The following PELI2 variants were observed in gnomAD, a reference collection of about 807,000 sequenced individuals.
PELI2 encodes the protein E3 ubiquitin-protein ligase pellino homolog 2.
In PELI2, 23 loss-of-function variants were observed where a neutral mutation model predicts 42.3. The ratio of observed to expected loss-of-function variants is 0.54; its 90% CI spans 0.39 to 0.77. The LOEUF (loss-of-function observed/expected upper bound fraction) is 0.77. PELI2 is among the 30% of genes least tolerant of loss of function. PELI2 has a pLI of 0.00. For missense variants in PELI2, 463 were observed against 553.2 expected, an observed-to-expected ratio of 0.84 and a Z score of 1.64; for synonymous variants, 245 against 212.2, an observed-to-expected ratio of 1.15 and a Z score of -1.34.
At chr14:56,279,587 C>A in intron 2 of PELI2, 89 bp from the exon 3 acceptor site, 1 of 682,870 alleles carries the variant, frequency 1.5e-6, no homozygotes, top group African/African-American at 1.8e-5. Context: ...CTGGGCTTTG[C>A]CAGTAGAGTG....
At chr14:56,212,956 G>A (rs969088435) in intron 2 of PELI2, among the ~76,000 whole-genome samples, 3 of 152,146 alleles carry the variant, frequency 2.0e-5, no homozygotes, top group Non-Finnish European at 4.4e-5. Context: ...GTGGGGTCAC[G>A]AGGAGGGTCT....
rs1255159807 is a variant in PELI2 at position 56,299,350 on chromosome 14, T to C, written c.*2184T>C. 6.6e-6 allele frequency: 1 copy of C among 152,212 alleles called. No homozygotes were observed. Among genetic ancestry groups the C allele is most frequent in the East Asian group, 1.9e-4 (1 of 5,200 alleles). 9.4% of individuals were successfully genotyped at this position (152,212 alleles called of 1,614,324 possible). ...GTTGGACACGTCCCGTAGTTGGGCA[T>C]ATGTCTAACTAAAAGTTTCTGACTT... On this transcript the variant is annotated 3_prime_UTR_variant, in exon 6 of 6. Transcript: ENST00000267460.
At chr14:56,208,231 A>G (rs1886586630) in intron 2 of PELI2, among the ~76,000 whole-genome samples, 1 of 152,228 alleles carries the variant, frequency 6.6e-6, no homozygotes, top group Non-Finnish European at 1.5e-5. Flanking sequence ...TGACCATAGC[A>G]TGCAGGTGCT....
chr14:56,142,199 A>G (rs1161526323), intron 1 of PELI2, among the ~76,000 whole-genome samples: 1 of 152,212 alleles, frequency 6.6e-6, no homozygotes, highest in Non-Finnish European at 1.5e-5. Context: ...GGCAACAAAT[A>G]TATTACTCAT....
At chr14:56,252,117 G>C (rs1041711696) in intron 2 of PELI2, among the ~76,000 whole-genome samples, 1 of 152,170 alleles carries the variant, frequency 6.6e-6, no homozygotes, top group Non-Finnish European at 1.5e-5. Context: ...AATGCTCTCT[G>C]TACCAGAAAT....
intron 5 of PELI2, chr14:56,292,950 C>A: frequency 2.4e-6 from 1 of 415,240 alleles, no homozygotes; most frequent in Non-Finnish European, 3.2e-6. Flanking sequence ...ACTAAACTGG[C>A]TTTGTATAAA....
chr14:56,153,213 A>C (rs1346737178), intron 1 of PELI2, among the ~76,000 whole-genome samples: 1 of 152,202 alleles, frequency 6.6e-6, no homozygotes, highest in East Asian at 1.9e-4. Context: ...TCACAAACTC[A>C]TTTGAAGATG....
intron 2 of PELI2, among the ~76,000 whole-genome samples, chr14:56,263,132 G>A (rs996794021): frequency 4.6e-5 from 7 of 151,822 alleles, no homozygotes; most frequent in Non-Finnish European, 8.8e-5. Flanking sequence ...AATTTTTTTT[G>A]TACTTTATAG....
chr14:56,118,435 G>C lies in PELI2; in HGVS notation c.-226G>C, dbSNP rs1882929267. 3 of 296,850 alleles carry C rather than the reference G, an allele frequency of 1.0e-5. No homozygotes were observed. The highest frequency in any genetic ancestry group is 9.2e-4 in the Middle Eastern group (1 of 1,086). 18.4% of individuals were successfully genotyped at this position (296,850 alleles called of 1,614,324 possible). Reference sequence around the variant, plus strand: ...TCCCATTTGTTGCCGGCTCTGACTCGGGGCGGCCGCGGCGCGCGGAGCTCC... The same window carrying C: ...TCCCATTTGTTGCCGGCTCTGACTCCGGGCGGCCGCGGCGCGCGGAGCTCC... On this transcript the variant is annotated 5_prime_UTR_variant, in exon 1 of 6. Transcript: ENST00000267460.
chr14:56,182,581 G>T (rs1472030326), intron 2 of PELI2, among the ~76,000 whole-genome samples: 1 of 152,076 alleles, frequency 6.6e-6, no homozygotes, highest in Non-Finnish European at 1.5e-5. Context: ...CTTTTAAAAA[G>T]TAACTGAAAA....
At position 56,297,025 on chromosome 14, in the gene PELI2, G is replaced by T. The variant is rs112097284; in HGVS notation, c.1122G>T (p.Ser374=). 5,985 of 1,613,912 alleles carry T rather than the reference G, an allele frequency of 3.7e-3. 183 individuals carry two copies. The African/African-American group carries it at 0.07, about 19-fold the overall frequency. ...HAFTPCGHVC[S]EKSAKYWSQI... is the part of the protein sequence containing the mutation. ...TCACTCCCTGTGGACACGTGTGCTC[G>T]GAGAAGTCTGCAAAATACTGGTCTC... The change falls in exon 6 of 6, where the codon TCG becomes TCT. Residue 374 remains serine (S), a synonymous_variant. Transcript: ENST00000267460.
chr14:56,208,995 C>T (rs370674034), intron 2 of PELI2, among the ~76,000 whole-genome samples: 28 of 152,074 alleles, frequency 1.8e-4, no homozygotes, highest in East Asian at 1.5e-3. Context: ...TTGACAGTTC[C>T]GAATACTTAA....
intron 1 of PELI2, among the ~76,000 whole-genome samples, chr14:56,127,170 C>T (rs553304751): frequency 1.3e-5 from 2 of 152,126 alleles, no homozygotes; most frequent in African/African-American, 2.4e-5. Context: ...TTGTTGAGAG[C>T]GTGGCAGTTG....
intron 1 of PELI2, among the ~76,000 whole-genome samples, chr14:56,123,030 A>G (rs188989012): frequency 3.3e-4 from 50 of 152,334 alleles, no homozygotes; most frequent in Admixed American, 3.3e-4. Flanking sequence ...TATAAATATG[A>G]CTAAATATGA....
intron 1 of PELI2, among the ~76,000 whole-genome samples, chr14:56,139,888 A>T (rs1172358287): frequency 3.5e-5 from 5 of 143,132 alleles, no homozygotes; most frequent in South Asian, 4.5e-4. Context: ...CTTCTTTACT[A>T]AAAAAAAAAG....
chr14:56,118,729 G>T lies in PELI2; in HGVS notation c.69G>T (p.Val23=). 1 of 1,524,608 alleles carries T rather than the reference G, an allele frequency of 6.6e-7. No homozygotes were observed. Among genetic ancestry groups the T allele is most frequent in the East Asian group, 2.7e-5 (1 of 37,052 alleles). The allele number at this position is 1,524,608 out of a possible 1,614,324, so 94.4% of individuals were successfully genotyped here. A position where few individuals can be genotyped will look rare whatever the true frequency, so the allele number is the denominator to read the frequency against. The change falls in exon 1 of 6, where the codon GTG becomes GTT. Residue 23 remains valine (V), a synonymous_variant. Transcript: ENST00000267460. ...NKEPVKYGEL[V]VLGYNGALPN... ...AGCCAGTGAAATACGGGGAGCTGGT[G>T]GTGCTCGGGTGAGTCCTGGGGTCCC... is the stretch of plus-strand genomic sequence containing the variant.
At chr14:56,279,231 T>TC in intron 2 of PELI2, among the ~76,000 whole-genome samples, 1 of 152,182 alleles carries the variant, frequency 6.6e-6, no homozygotes. Flanking sequence ...TGACAGATTT[T>TC]CCAGTGATTC....
chr14:56,136,082 C>A (rs1032164883), intron 1 of PELI2, among the ~76,000 whole-genome samples: 7 of 152,176 alleles, frequency 4.6e-5, no homozygotes, highest in Admixed American at 3.3e-4. Flanking sequence ...CTCTGAAAAT[C>A]CCATTTATAC....
chr14:56,294,966 G>A (rs1889952192), intron 5 of PELI2, among the ~76,000 whole-genome samples: 1 of 152,148 alleles, frequency 6.6e-6, no homozygotes, highest in South Asian at 2.1e-4. Context: ...GGTGAAATCA[G>A]GATTTACTCC....
Sources: gnomAD v4.1 joint callset for allele counts (sites outside exome capture counted in the v4.1 genomes callset) on GRCh38, gnomAD v4.1.1 for gene constraint, MANE v1.5 for transcripts, NCBI Gene and HGNC (gene_info 2026-07-23, HGNC 2026-07-21) for gene names.